The following FHIT variants were observed in gnomAD, a reference collection of about 807,000 sequenced individuals.
FHIT encodes the protein fragile histidine triad diadenosine triphosphatase, also known as bis(5'-adenosyl)-triphosphatase.
Under a neutral mutation model 17.9 loss-of-function variants are expected in FHIT, and 19 were observed. That is an observed-to-expected ratio of 1.06 (90% CI 0.74 to 1.56). FHIT has a LOEUF of 1.56. Among genes scored for constraint, FHIT ranks in the 40% most tolerant of loss-of-function variants. The pLI is 0.00. For synonymous variants in FHIT, 81 were observed against 69.7 expected (o/e 1.16, Z -0.81); for missense variants, 248 against 189.2 (o/e 1.31, Z -1.82).
At chr3:60,051,704 G>C (rs904409880) in intron 5 of FHIT, among the ~76,000 whole-genome samples, 7 of 152,146 alleles carry the variant, frequency 4.6e-5, no homozygotes, top group Admixed American at 2.6e-4. Flanking sequence ...AAAAGTGGAG[G>C]TTTCCCTTCA....
At chr3:61,109,647 T>C (rs761664610) in intron 2 of FHIT, among the ~76,000 whole-genome samples, 4 of 152,134 alleles carry the variant, frequency 2.6e-5, no homozygotes, top group Non-Finnish European at 4.4e-5. Flanking sequence ...CTGAAGTTGA[T>C]AGGTGTTCAG....
At chr3:61,242,335 G>GGGCACAGATT (rs910269205) in intron 1 of FHIT, among the ~76,000 whole-genome samples, 1 of 151,736 alleles carries the variant, frequency 6.6e-6, no homozygotes, top group Non-Finnish European at 1.5e-5. Context: ...GCTAAAAGCA[G>GGGCACAGATT]GGCACAGATT....
intron 7 of FHIT, among the ~76,000 whole-genome samples, chr3:59,941,916 G>A (rs1706539696): frequency 6.6e-6 from 1 of 152,292 alleles, no homozygotes; most frequent in South Asian, 2.1e-4. Context: ...ATGTGTTAGT[G>A]TGTGGAAAAG....
chr3:60,995,151 T>C (rs2030563361), intron 3 of FHIT, among the ~76,000 whole-genome samples: 1 of 151,792 alleles, frequency 6.6e-6, no homozygotes, highest in Non-Finnish European at 1.5e-5. Context: ...AAACCCTGTC[T>C]CTACTAAGAA....
In FHIT at chr3:59,748,374, A is replaced by C. The variant is rs1169635908; in HGVS notation, c.*1211T>G. ...TTATTTAGGCATGTGGTCAGATGGTAAAGAAAAGAAAGTGGGAGGGTAGCC... is the reference window on the plus strand; with the variant it reads ...TTATTTAGGCATGTGGTCAGATGGTCAAGAAAAGAAAGTGGGAGGGTAGCC... On this transcript the variant is annotated 3_prime_UTR_variant, in exon 10 of 10. Coordinates refer to ENST00000492590, the MANE Select transcript of FHIT (RefSeq NM_002012.4). Among the ~76,000 whole-genome samples the C allele has an allele frequency of 6.6e-6, 1 of 152,096 alleles. No individual in the cohort carries two copies. The highest frequency in any genetic ancestry group is 1.5e-5 in the Non-Finnish European group (1 of 68,006).
intron 5 of FHIT, among the ~76,000 whole-genome samples, chr3:60,231,123 G>T (rs540562276): frequency 5.3e-5 from 8 of 152,296 alleles, no homozygotes; most frequent in Admixed American, 2.0e-4. Context: ...CTGCCATCTT[G>T]CCTCTGAGCC....
At chr3:60,839,446 T>G (rs1702644209) in intron 3 of FHIT, among the ~76,000 whole-genome samples, 1 of 152,238 alleles carries the variant, frequency 6.6e-6, no homozygotes, top group South Asian at 2.1e-4. Flanking sequence ...CATGGCTAGA[T>G]GGCAGCACAT....
intron 2 of FHIT, among the ~76,000 whole-genome samples, chr3:61,091,417 C>G (rs189007976): frequency 6.6e-6 from 1 of 152,244 alleles, no homozygotes; most frequent in East Asian, 1.9e-4. Context: ...ATATCAATAT[C>G]TACCTCATAA....
At chr3:60,908,055 G>C (rs782048469) in intron 3 of FHIT, among the ~76,000 whole-genome samples, 1 of 152,222 alleles carries the variant, frequency 6.6e-6, no homozygotes, top group African/African-American at 2.4e-5. Context: ...GTTTAGAGGA[G>C]CAAACACATT....
chr3:59,979,426 G>A (rs1708553268), intron 7 of FHIT, among the ~76,000 whole-genome samples: 1 of 152,140 alleles, frequency 6.6e-6, no homozygotes, highest in African/African-American at 2.4e-5. Context: ...ACTTAGTTGG[G>A]AATGTCTAGA....
chr3:60,446,999 G>C (rs1156548509), intron 5 of FHIT, among the ~76,000 whole-genome samples: 1 of 151,882 alleles, frequency 6.6e-6, no homozygotes, highest in African/African-American at 2.4e-5. Context: ...AAACTTCTAT[G>C]CTTGTCTCTT....
chr3:60,574,782 T>A (rs1484191844), intron 4 of FHIT, among the ~76,000 whole-genome samples: 3 of 151,974 alleles, frequency 2.0e-5, no homozygotes, highest in Admixed American at 6.6e-5. Flanking sequence ...CTCCTTTCAG[T>A]CCTTCCGCTT....
intron 5 of FHIT, among the ~76,000 whole-genome samples, chr3:60,131,088 TAC>T (rs1477305483): frequency 9.7e-6 from 1 of 103,282 alleles, no homozygotes; most frequent in Non-Finnish European, 1.8e-5. Context: ...TACACATATA[TAC>T]ACATATATAC....
chr3:60,535,881 T>C (rs2035964455), intron 5 of FHIT: 1 of 151,960 alleles, frequency 6.6e-6, no homozygotes. Flanking sequence ...CTCAGGCACT[T>C]TCCACATTTT....
chr3:61,018,726 T>G (rs147909733), intron 3 of FHIT, among the ~76,000 whole-genome samples: 2 of 152,352 alleles, frequency 1.3e-5, no homozygotes, highest in Admixed American at 1.3e-4. Flanking sequence ...TATACTAAAT[T>G]ATAAATCACA....
intron 3 of FHIT, among the ~76,000 whole-genome samples, chr3:60,984,576 G>A (rs1359575936): frequency 6.6e-6 from 1 of 152,180 alleles, no homozygotes; most frequent in Non-Finnish European, 1.5e-5. Context: ...CATAGGCAGA[G>A]AACTGTGCTA....
At chr3:61,191,179 G>C (rs182426389) in intron 2 of FHIT, among the ~76,000 whole-genome samples, 63 of 152,274 alleles carry the variant, frequency 4.1e-4, no homozygotes, top group Admixed American at 2.3e-3. Context: ...CTGGGCCATG[G>C]GGTGCCCAAA....
chr3:60,282,430 C>T (rs1707505152), intron 5 of FHIT, among the ~76,000 whole-genome samples: 1 of 152,078 alleles, frequency 6.6e-6, no homozygotes, highest in Non-Finnish European at 1.5e-5. Flanking sequence ...TACTAGTTAC[C>T]AGGGATCCAA....
At chr3:60,045,000 G>A (rs541373728) in intron 5 of FHIT, among the ~76,000 whole-genome samples, 11 of 152,112 alleles carry the variant, frequency 7.2e-5, no homozygotes, top group South Asian at 4.2e-4. Context: ...AAAGTCTTAC[G>A]TACCTTCTTT....
Sources: gnomAD v4.1 joint callset for allele counts (sites outside exome capture counted in the v4.1 genomes callset) on GRCh38, gnomAD v4.1.1 for gene constraint, MANE v1.5 for transcripts, NCBI Gene and HGNC (gene_info 2026-07-23, HGNC 2026-07-21) for gene names.